ARHGAP26: variants seen among roughly 807,000 people sequenced by gnomAD.
ARHGAP26 encodes the protein Rho GTPase activating protein 26, also known as rho GTPase-activating protein 26.
A neutral mutation model predicts 104.8 loss-of-function variants in ARHGAP26; 38 were observed. The ratio of observed to expected loss-of-function variants is 0.36; its 90% CI spans 0.28 to 0.48. The LOEUF is 0.48. ARHGAP26 is among the 20% of genes least tolerant of loss of function. The pLI is 0.99. For synonymous variants in ARHGAP26, 341 were observed against 340.0 expected, an observed-to-expected ratio of 1.00 and a Z score of -0.03; for missense variants, 704 against 947.9, an observed-to-expected ratio of 0.74 and a Z score of 3.38.
intron 17 of ARHGAP26, among the ~76,000 whole-genome samples, chr5:143,105,187 C>A (rs1410410058): frequency 6.6e-6 from 1 of 151,972 alleles, no homozygotes; most frequent in Non-Finnish European, 1.5e-5. Flanking sequence ...ACCAGCTTGA[C>A]CAACATGGAG....
chr5:143,064,204 C>G (rs1398043526), intron 17 of ARHGAP26, among the ~76,000 whole-genome samples: 1 of 152,070 alleles, frequency 6.6e-6, no homozygotes, highest in Non-Finnish European at 1.5e-5. Context: ...TGCCTTAGTT[C>G]CTAACAGTCC....
intron 1 of ARHGAP26, among the ~76,000 whole-genome samples, chr5:142,840,708 C>T (rs939464100): frequency 1.2e-4 from 19 of 152,288 alleles, no homozygotes; most frequent in African/African-American, 4.1e-4. Flanking sequence ...TTAGCCTCTT[C>T]TCTGAGGTCC....
At chr5:143,023,036 G>T (rs1005125758) in intron 12 of ARHGAP26, among the ~76,000 whole-genome samples, 1 of 152,184 alleles carries the variant, frequency 6.6e-6, no homozygotes, top group Non-Finnish European at 1.5e-5. Context: ...TCAAACACCT[G>T]TGCACAGTGC....
At chr5:142,911,521 T>C (rs1178013175) in intron 9 of ARHGAP26, among the ~76,000 whole-genome samples, 2 of 152,246 alleles carry the variant, frequency 1.3e-5, no homozygotes, top group Admixed American at 6.5e-5. Context: ...ACAGAATTTT[T>C]CATGGTTATA....
chr5:143,017,844 C>T (rs1281628797), intron 12 of ARHGAP26, among the ~76,000 whole-genome samples: 1 of 152,234 alleles, frequency 6.6e-6, no homozygotes, highest in Non-Finnish European at 1.5e-5. Flanking sequence ...TACATATCTT[C>T]CTGTGTGAGA....
intron 17 of ARHGAP26, among the ~76,000 whole-genome samples, chr5:143,102,661 C>T (rs1431881530): frequency 1.3e-5 from 2 of 152,240 alleles, no homozygotes; most frequent in Admixed American, 6.5e-5. Flanking sequence ...TTGCACAGCT[C>T]ATGAAATACC....
chr5:142,884,298 A>G (rs571796688), intron 4 of ARHGAP26, among the ~76,000 whole-genome samples: 1 of 152,290 alleles, frequency 6.6e-6, no homozygotes, highest in African/African-American at 2.4e-5. Context: ...GTGACTTTTC[A>G]CAAGTTCACC....
chr5:143,222,274 CA>C (rs1562641651), intron 22 of ARHGAP26, 83 bp from the exon 23 acceptor site: 3 of 799,942 alleles, frequency 3.8e-6, no homozygotes, highest in African/African-American at 3.7e-5. Context: ...CACACACACA[CA>C]CACACACACC....
chr5:142,825,836 T>C (rs1463274880), intron 1 of ARHGAP26, among the ~76,000 whole-genome samples: 1 of 152,184 alleles, frequency 6.6e-6, no homozygotes, highest in African/African-American at 2.4e-5. Flanking sequence ...TTTATAGGTG[T>C]CCTTGGCGGA....
chr5:142,935,320 A>T (rs78247602), intron 11 of ARHGAP26, among the ~76,000 whole-genome samples: 3,835 of 152,276 alleles, frequency 0.025, 172 homozygotes, highest in African/African-American at 0.087. Context: ...TCTTATTATT[A>T]AAAACATGGG....
At chr5:143,138,725 A>G (rs1798184373) in intron 19 of ARHGAP26, among the ~76,000 whole-genome samples, 1 of 152,206 alleles carries the variant, frequency 6.6e-6, no homozygotes, top group Non-Finnish European at 1.5e-5. Context: ...TCTGTGTTTA[A>G]TATCTATGAC....
chr5:142,957,371 T>A (rs1769429864), intron 11 of ARHGAP26, among the ~76,000 whole-genome samples: 1 of 152,202 alleles, frequency 6.6e-6, no homozygotes, highest in South Asian at 2.1e-4. Flanking sequence ...TACGTAAATA[T>A]AAGGTTACCT....
At chr5:142,923,908 C>T (rs1763539314) in intron 10 of ARHGAP26, among the ~76,000 whole-genome samples, 1 of 131,842 alleles carries the variant, frequency 7.6e-6, no homozygotes, top group Non-Finnish European at 1.5e-5. Context: ...GTCGCCCAGG[C>T]TGGAGTGCAG....
rs1410179379 is a variant in ARHGAP26, at chr5:143,222,435, G to A, written c.2269G>A (p.Glu757Lys). ...TGGCCTCATCCCTGAGAATTACGTG[G>A]AGTTCCTCTAACCGTGGGCCCCAGC... Reference protein sequence around the residue: ...KTGLIPENYVEFL With the variant: ...KTGLIPENYVKFL Residue 757 changes from glutamate (E) to lysine (K), a missense_variant, in exon 23 of 23, where the codon GAG (glutamate) becomes AAG (lysine). By Grantham distance (56) the Glu-to-Lys change is moderately conservative (BLOSUM62 1). Coordinates refer to ENST00000645722, the MANE Select transcript of ARHGAP26 (RefSeq NM_001135608.3). 3 of 1,597,136 alleles carry A rather than the reference G, an allele frequency of 1.9e-6. No individual in the cohort carries two copies. Among genetic ancestry groups the A allele is most frequent in the Admixed American group, 1.7e-5 (1 of 59,460 alleles).
intron 1 of ARHGAP26, among the ~76,000 whole-genome samples, chr5:142,792,048 A>G (rs948137541): frequency 6.6e-6 from 1 of 152,024 alleles, no homozygotes; most frequent in Non-Finnish European, 1.5e-5. Context: ...ATTACAAAAG[A>G]GTCATTTTTC....
intron 17 of ARHGAP26, among the ~76,000 whole-genome samples, chr5:143,073,242 A>G (rs891910166): frequency 2.0e-5 from 3 of 152,208 alleles, no homozygotes; most frequent in Admixed American, 1.3e-4. Context: ...AAAAGTTTAA[A>G]GGTAAGTTCC....
chr5:142,877,045 G>A (rs1756228721), intron 3 of ARHGAP26, among the ~76,000 whole-genome samples: 2 of 152,170 alleles, frequency 1.3e-5, no homozygotes, highest in East Asian at 1.9e-4. Flanking sequence ...GTATTTGGGG[G>A]TGGGGGTGTG....
chr5:143,041,966 T>A, intron 14 of ARHGAP26, 76 bp downstream of exon 14: 1 of 1,268,516 alleles, frequency 7.9e-7, no homozygotes, highest in Non-Finnish European at 1.1e-6. Flanking sequence ...GGTCTGTGAG[T>A]AGATACAGCC....
rs886515962 is a variant in ARHGAP26 at position 142,879,514 on chromosome 5, A to T, written c.384+69A>T. ...TCTGGAAAACATAGCACCTTTCTTTAAAACAAAGTCTTCAGAAATGTCTTC... is the reference window on the plus strand; with the variant it reads ...TCTGGAAAACATAGCACCTTTCTTTTAAACAAAGTCTTCAGAAATGTCTTC... On this transcript the variant is annotated intron_variant, in intron 4 of 22. Coordinates refer to ENST00000645722, the MANE Select transcript of ARHGAP26 (RefSeq NM_001135608.3). 4.3e-6 allele frequency: 6 copies of T among 1,384,806 alleles called. No individual in the cohort carries two copies. In the African/African-American group the frequency reaches 7.3e-5, roughly 17 times the overall value. The allele number at this position is 1,384,806 out of a possible 1,614,324, so 85.8% of individuals were successfully genotyped here. A position where few individuals can be genotyped will look rare whatever the true frequency, so the allele number is the denominator to read the frequency against.
Sources: gnomAD v4.1 joint callset for allele counts (sites outside exome capture counted in the v4.1 genomes callset) on GRCh38, gnomAD v4.1.1 for gene constraint, MANE v1.5 for transcripts, NCBI Gene and HGNC (gene_info 2026-07-23, HGNC 2026-07-21) for gene names.